Variants in SLC7A14 observed in about 807,000 individuals in gnomAD.
SLC7A14 encodes gamma-aminobutyric acid transporter SLC7A14.
SLC7A14 carries 37 observed loss-of-function variants against 60.2 expected under a neutral mutation model. The observed-to-expected ratio is 0.61, with a 90% CI of 0.47 to 0.81. SLC7A14 has a LOEUF of 0.81. Among genes scored for constraint, SLC7A14 ranks in the 30% least tolerant of loss-of-function variants. The pLI is 0.00. For synonymous variants in SLC7A14, 399 were observed against 395.8 expected, an observed-to-expected ratio of 1.01 and a Z score of -0.10; for missense variants, 886 against 982.7, an observed-to-expected ratio of 0.90 and a Z score of 1.32.
chr3:170,561,241 T>C (rs1175922769), intron 1 of SLC7A14, among the ~76,000 whole-genome samples: 1 of 152,234 alleles, frequency 6.6e-6, no homozygotes, highest in African/African-American at 2.4e-5. Flanking sequence ...TTCAGTCTTC[T>C]TCAGGATTAA....
intron 2 of SLC7A14, among the ~76,000 whole-genome samples, chr3:170,504,248 A>C (rs1005898425): frequency 6.6e-6 from 1 of 152,198 alleles, no homozygotes; most frequent in Non-Finnish European, 1.5e-5. Flanking sequence ...TAAGAGGAAC[A>C]CATTTAAGAG....
At chr3:170,578,435 G>C (rs573742802) in intron 1 of SLC7A14, among the ~76,000 whole-genome samples, 1 of 152,322 alleles carries the variant, frequency 6.6e-6, no homozygotes, top group East Asian at 1.9e-4. Context: ...TGTGTCAAGT[G>C]GCTATAAATG....
chr3:170,465,159 TA>T lies in SLC7A14; in HGVS notation c.*1895del, dbSNP rs3841271. 6.6e-6 allele frequency: 1 copy of T among 152,318 alleles called. No individual in the cohort carries two copies. The highest frequency in any genetic ancestry group is 1.9e-4 in the East Asian group (1 of 5,194). The allele number at this position is 152,318 out of a possible 1,614,324, so 9.4% of individuals were successfully genotyped here. ...GTTCTAAACAATGACTACAGAAGAA[TA>T]AAAAATATCTAGAAAATTGCAGTTA... is the stretch of plus-strand genomic sequence containing the variant. On this transcript the variant is annotated 3_prime_UTR_variant, in exon 8 of 8. Coordinates refer to ENST00000231706, the MANE Select transcript of SLC7A14 (RefSeq NM_020949.3).
Position 170,472,007 on chromosome 3 carries a change from T to C in SLC7A14, c.1994-4630A>G, listed in dbSNP as rs547550058. Among the ~76,000 whole-genome samples, 7 of 152,114 alleles carry C rather than the reference T, an allele frequency of 4.6e-5. No individual in the cohort carries two copies. The East Asian group carries it at 1.4e-3, about 29-fold the overall frequency. ...GGGGCTGGAATTATTTTTTTTGAGTTGATGGGTCATGGTGGGGGTGCGTGG... is the reference window on the plus strand; with the variant it reads ...GGGGCTGGAATTATTTTTTTTGAGTCGATGGGTCATGGTGGGGGTGCGTGG... On this transcript the variant is annotated intron_variant, in intron 7 of 7. Transcript: ENST00000231706.
At chr3:170,527,760 T>C (rs1713556765) in intron 1 of SLC7A14, among the ~76,000 whole-genome samples, 1 of 152,132 alleles carries the variant, frequency 6.6e-6, no homozygotes, top group Non-Finnish European at 1.5e-5. Flanking sequence ...GTGAGTTGTG[T>C]AGGATGTTGT....
intron 5 of SLC7A14, among the ~76,000 whole-genome samples, chr3:170,485,394 C>T (rs1711992871): frequency 1.3e-5 from 2 of 152,212 alleles, no homozygotes. Flanking sequence ...CAGCACCCCC[C>T]ACTGCCAGCT....
At chr3:170,550,836 T>G (rs2108304976) in intron 1 of SLC7A14, among the ~76,000 whole-genome samples, 1 of 152,258 alleles carries the variant, frequency 6.6e-6, no homozygotes, top group Middle Eastern at 3.4e-3. Flanking sequence ...TTCCTTGATT[T>G]GTATATTGGT....
At chr3:170,489,042 G>C (rs1712131173) in intron 4 of SLC7A14, among the ~76,000 whole-genome samples, 1 of 152,144 alleles carries the variant, frequency 6.6e-6, no homozygotes, top group South Asian at 2.1e-4. Context: ...CAGGACACTG[G>C]TCTGGGCAAA....
chr3:170,501,577 T>C (rs1311549253), intron 2 of SLC7A14, among the ~76,000 whole-genome samples: 1 of 152,230 alleles, frequency 6.6e-6, no homozygotes, highest in Non-Finnish European at 1.5e-5. Context: ...TACTAAACTG[T>C]TGGAAACTGA....
chr3:170,479,532 G>A (rs1454912317), intron 7 of SLC7A14, among the ~76,000 whole-genome samples: 3 of 152,276 alleles, frequency 2.0e-5, no homozygotes, highest in South Asian at 2.1e-4. Flanking sequence ...CTTGAAGTCC[G>A]TGAAAGTGAG....
At chr3:170,508,537 A>G (rs1240626625) in intron 2 of SLC7A14, among the ~76,000 whole-genome samples, 2 of 152,238 alleles carry the variant, frequency 1.3e-5, no homozygotes, top group Non-Finnish European at 2.9e-5. Flanking sequence ...CATGAAGTCA[A>G]TTCTTCCCAA....
In SLC7A14 at chr3:170,578,832, A is replaced by G. The variant is rs569236246; in HGVS notation, c.-153+7079T>C. On this transcript the variant is annotated intron_variant, in intron 1 of 7. Transcript: ENST00000231706. ...TGTTATGGCTTGCAGGATATTGTACACTATTTAATCTAAATAACTTCTTTT... is the reference window on the plus strand; with the variant it reads ...TGTTATGGCTTGCAGGATATTGTACGCTATTTAATCTAAATAACTTCTTTT... Among the ~76,000 whole-genome samples the G allele has an allele frequency of 3.0e-3, 451 of 152,332 alleles. 3 individuals carry two copies. Among genetic ancestry groups the G allele is most frequent in the African/African-American group, 0.01 (433 of 41,574 alleles).
At chr3:170,493,349 T>G (rs531152933) in intron 4 of SLC7A14, among the ~76,000 whole-genome samples, 1 of 152,162 alleles carries the variant, frequency 6.6e-6, no homozygotes, top group South Asian at 2.1e-4. Context: ...GGGGAAAGAG[T>G]AGGTTTATGA....
At chr3:170,538,507 A>T (rs1713916119) in intron 1 of SLC7A14, among the ~76,000 whole-genome samples, 1 of 152,220 alleles carries the variant, frequency 6.6e-6, no homozygotes, top group South Asian at 2.1e-4. Context: ...CAATAAATGG[A>T]CCAATAGAAC....
chr3:170,487,797 T>G (rs1712082652), intron 4 of SLC7A14, among the ~76,000 whole-genome samples: 1 of 152,174 alleles, frequency 6.6e-6, no homozygotes, highest in African/African-American at 2.4e-5. Context: ...ATCTAAAAAT[T>G]TTGCTGGTAA....
rs1711806776 is a variant in SLC7A14, at chr3:170,481,174, G to T, written c.1116-8C>A. On this transcript the variant is annotated splice_region_variant and splice_polypyrimidine_tract_variant and intron_variant, in intron 6 of 7. Transcript: ENST00000231706. Reference sequence around the variant, plus strand: ...CTGACGTGAGCCAGGAACCTGGAGGGGCCGGGCAAGCAGAGGGTTAATGGT... The same window carrying T: ...CTGACGTGAGCCAGGAACCTGGAGGTGCCGGGCAAGCAGAGGGTTAATGGT... 1.2e-6 allele frequency: 2 copies of T among 1,610,352 alleles called. No individual in the cohort carries two copies. The highest frequency in any genetic ancestry group is 1.7e-6 in the Non-Finnish European group (2 of 1,178,346).
intron 2 of SLC7A14, among the ~76,000 whole-genome samples, chr3:170,514,842 A>G (rs1045978041): frequency 6.6e-6 from 1 of 152,224 alleles, no homozygotes; most frequent in African/African-American, 2.4e-5. Flanking sequence ...TACAAACATT[A>G]CTGAGCATTT....
At position 170,467,057 on chromosome 3, in the gene SLC7A14, A is replaced by G. The variant is rs1331203166; in HGVS notation, c.2314T>C (p.Ter772GlnextTer7). Residue 772 changes from the stop codon to glutamine (Q), a stop_lost, in exon 8 of 8, where the codon TAG (stop) becomes CAG (glutamine). Coordinates refer to ENST00000231706, the MANE Select transcript of SLC7A14 (RefSeq NM_020949.3). ...TTCTACCCACTTGTGTGTTTCTCCT[A>G]CTCTGGAGAGTAATCTAACTCATCA... is the stretch of plus-strand genomic sequence containing the variant. ...ANDELDYSPE[*>Q] 1 of 1,602,584 alleles carries G rather than the reference A, an allele frequency of 6.2e-7. No individual in the cohort carries two copies.
chr3:170,529,122 C>T (rs1713598486), intron 1 of SLC7A14, among the ~76,000 whole-genome samples: 1 of 152,198 alleles, frequency 6.6e-6, no homozygotes, highest in Non-Finnish European at 1.5e-5. Context: ...CATCGCATAT[C>T]TATTGCAGAA....
Sources: gnomAD v4.1 joint callset for allele counts (sites outside exome capture counted in the v4.1 genomes callset) on GRCh38, gnomAD v4.1.1 for gene constraint, MANE v1.5 for transcripts, NCBI Gene and HGNC (gene_info 2026-07-23, HGNC 2026-07-21) for gene names.